Variants in DAPK2 observed in about 807,000 individuals in gnomAD.
DAPK2 encodes death associated protein kinase 2, also known as death-associated protein kinase 2.
A neutral mutation model predicts 44.1 loss-of-function variants in DAPK2; 35 were observed. The observed-to-expected ratio is 0.79, with a 90% confidence interval of 0.61 to 1.05. The LOEUF (loss-of-function observed/expected upper bound fraction) is 1.05, where lower values mean the gene tolerates loss of function less well. Ranked by LOEUF, DAPK2 falls within the 50% of genes least tolerant of loss-of-function variation. The probability of loss-of-function intolerance (pLI) is 0.00; values close to 1 mark genes in which losing one functional copy is unlikely to be tolerated. For synonymous variants in DAPK2, 174 were observed against 182.6 expected, an observed-to-expected ratio of 0.95 and a Z score of 0.38; for missense variants, 453 against 483.2, an observed-to-expected ratio of 0.94 and a Z score of 0.59.
rs924477087 is a variant in DAPK2 at position 63,925,850 on chromosome 15, T to C, written c.812+91A>G. 7 of 1,528,724 alleles carry C rather than the reference T, an allele frequency of 4.6e-6. No individual in the cohort carries two copies. The African/African-American group carries it at 8.3e-5, about 18-fold the overall frequency. 94.7% of individuals were successfully genotyped at this position (1,528,724 alleles called of 1,614,324 possible). ...ACCACAACAGTGCAGATGACAGCTATGTCAAAGTGGGGACATACTGACAGG... is the reference window on the plus strand; with the variant it reads ...ACCACAACAGTGCAGATGACAGCTACGTCAAAGTGGGGACATACTGACAGG... On this transcript the variant is annotated intron_variant, in intron 7 of 10. Transcript: ENST00000261891.
intron 7 of DAPK2, 27 bp from the exon 9 acceptor site, chr15:63,924,888 T>C (rs758367811): frequency 6.8e-6 from 11 of 1,613,464 alleles, no homozygotes; most frequent in Middle Eastern, 3.3e-4. Context: ...GAAACAGTGA[T>C]GATCCATGAG....
rs1178786912 is a variant in DAPK2 at position 63,917,574 on chromosome 15, T to A, written c.859-5377A>T. 1 of 152,222 alleles carries A rather than the reference T, an allele frequency of 6.6e-6. No homozygotes were observed. The highest frequency in any genetic ancestry group is 1.5e-5 in the Non-Finnish European group (1 of 68,054). 9.4% of individuals were successfully genotyped at this position (152,222 alleles called of 1,614,324 possible). On this transcript the variant is annotated intron_variant, in intron 8 of 10. Transcript: ENST00000261891. This position sits in a 1 kb window ranked among gnomAD's most constrained non-coding sequence, Gnocchi z 4.4. ...CACTATCCCATTCCTTATACTTCTG[T>A]GCAAGTTTTGGCAATTTTCCTGCTG...
At chr15:64,018,899 G>A (rs1315015515) in intron 1 of DAPK2, among the ~76,000 whole-genome samples, 1 of 152,212 alleles carries the variant, frequency 6.6e-6, no homozygotes, top group Non-Finnish European at 1.5e-5. Context: ...TTTGAGTCCA[G>A]GGCCTGCTGC....
Position 63,929,698 on chromosome 15 carries a change from C to T in DAPK2, c.633-121G>A, listed in dbSNP as rs751468060. On this transcript the variant is annotated intron_variant, in intron 5 of 10. Coordinates refer to ENST00000261891, the Ensembl canonical transcript of DAPK2. ...CCTCCTCCACAGCAGACCCTGGATGCCGTCTCATGCTCCACACCCATCTCC... is the reference window on the plus strand; with the variant it reads ...CCTCCTCCACAGCAGACCCTGGATGTCGTCTCATGCTCCACACCCATCTCC... 7 of 1,140,530 alleles carry T rather than the reference C, an allele frequency of 6.1e-6. No individual in the cohort carries two copies. The East Asian group carries it at 1.5e-4, about 24-fold the overall frequency. 70.7% of individuals were successfully genotyped at this position (1,140,530 alleles called of 1,614,324 possible).
chr15:63,961,450 C>A (rs908651878), intron 3 of DAPK2, among the ~76,000 whole-genome samples: 3 of 152,218 alleles, frequency 2.0e-5, no homozygotes, highest in African/African-American at 4.8e-5. Context: ...ATAGTCTTTA[C>A]AATTTGGCAT....
intron 1 of DAPK2, among the ~76,000 whole-genome samples, chr15:64,019,680 T>C (rs191495835): frequency 1.4e-3 from 214 of 152,356 alleles, no homozygotes; most frequent in Non-Finnish European, 2.6e-3. Context: ...AGCCTTTTTT[T>C]CCTACATGCC....
chr15:63,926,091 A>T lies in DAPK2; in HGVS notation c.662T>A (p.Leu221Ter), dbSNP rs1231573978. ...TCCCAGGAAAGGGGATGCTCCACTT[A>T]AGCTGAGTACGACAGACAGGGAATC... The change falls in exon 7 of 11, where the codon TTA (leucine) becomes TAA (stop). Residue 221 changes from leucine (L) to a stop codon, truncating the protein, a stop_gained and splice_region_variant. Transcript: ENST00000261891. LOFTEE classifies it high-confidence loss of function. The T allele has an allele frequency of 6.2e-7, 1 of 1,607,054 alleles. No homozygotes were observed. The highest frequency in any genetic ancestry group is 2.2e-5 in the East Asian group (1 of 44,852).
At chr15:63,969,423 C>T (rs186466543) in intron 3 of DAPK2, among the ~76,000 whole-genome samples, 31 of 149,744 alleles carry the variant, frequency 2.1e-4, no homozygotes, top group African/African-American at 7.4e-4. Context: ...CTGTCCCCCC[C>T]AAAAAGAAAC....
intron 1 of DAPK2, among the ~76,000 whole-genome samples, chr15:64,010,905 A>C (rs1325095197): frequency 6.6e-6 from 1 of 152,202 alleles, no homozygotes; most frequent in African/African-American, 2.4e-5. Flanking sequence ...GAGGGTTCAC[A>C]GGGAAGCCGT....
chr15:63,998,212 G>C (rs1424599694), intron 1 of DAPK2, among the ~76,000 whole-genome samples: 1 of 152,136 alleles, frequency 6.6e-6, no homozygotes, highest in African/African-American at 2.4e-5. Flanking sequence ...CTTACCCATG[G>C]GTGCAGGCTG....
intron 1 of DAPK2, among the ~76,000 whole-genome samples, chr15:64,017,528 G>A (rs983506476): frequency 2.0e-5 from 3 of 152,174 alleles, no homozygotes; most frequent in African/African-American, 2.4e-5. Flanking sequence ...CCAGGACACG[G>A]GCAGGTCCAC....
chr15:63,977,217 G>C (rs921518361), intron 2 of DAPK2, among the ~76,000 whole-genome samples: 1 of 152,222 alleles, frequency 6.6e-6, no homozygotes, highest in African/African-American at 2.4e-5. Context: ...GGGTTGAGTA[G>C]GGTGTGGCCT....
At chr15:63,932,561 G>C (rs1456733121) in intron 4 of DAPK2, 1 of 148,114 alleles carries the variant, frequency 6.8e-6, no homozygotes, top group African/African-American at 2.5e-5. Flanking sequence ...ATTTTTTTTA[G>C]ATGACACTTT....
rs1406318694 is a variant in DAPK2 at position 63,939,034 on chromosome 15, A to T, written c.583+198T>A. ...GCCCCACTCAGCCCTTGCCTCACTG[A>T]GCACTCAAAGCCTACACCTGGGCCC... On this transcript the variant is annotated intron_variant, in intron 4 of 10. Transcript: ENST00000261891. The surrounding 1 kb of genome is among the most constrained non-coding windows in gnomAD (Gnocchi z 4.3). Among the ~76,000 whole-genome samples, 1 of 152,086 alleles carries T rather than the reference A, an allele frequency of 6.6e-6. No homozygotes were observed. Among genetic ancestry groups the T allele is most frequent in the African/African-American group, 2.4e-5 (1 of 41,406 alleles).
intron 1 of DAPK2, among the ~76,000 whole-genome samples, chr15:64,001,855 CTGCA>C (rs1347577187): frequency 6.6e-6 from 1 of 152,242 alleles, no homozygotes; most frequent in African/African-American, 2.4e-5. Flanking sequence ...CCCCAATCCA[CTGCA>C]TAACAGAATC....
At chr15:63,911,583 G>T in intron 10 of DAPK2, 1 of 356,120 alleles carries the variant, frequency 2.8e-6, no homozygotes, top group Admixed American at 4.2e-5. Context: ...AGCAGCTTTT[G>T]GGTTATCAGA....
intron 3 of DAPK2, chr15:63,942,154 G>A: frequency 1.1e-6 from 1 of 939,540 alleles, no homozygotes; most frequent in Non-Finnish European, 1.3e-6. Flanking sequence ...GGTGGTGGAG[G>A]GGAAGAATTG....
At chr15:64,031,288 A>G (rs2080008432) in intron 1 of DAPK2, among the ~76,000 whole-genome samples, 1 of 150,174 alleles carries the variant, frequency 6.7e-6, no homozygotes, top group Admixed American at 6.7e-5. Flanking sequence ...GCAGGAGTGT[A>G]GTGGTGCAAT....
intron 8 of DAPK2, chr15:63,919,696 G>A (rs2079021481): frequency 1.3e-5 from 2 of 152,164 alleles, no homozygotes. Context: ...ATGTTGGCCA[G>A]GCTGGTCTCA....
Sources: allele counts gnomAD v4.1 joint callset (sites outside exome capture counted in the v4.1 genomes callset), GRCh38; gene constraint gnomAD v4.1.1; non-coding constraint Gnocchi (gnomAD v3.1); transcripts MANE v1.5; gene names NCBI Gene and HGNC (gene_info 2026-07-23, HGNC 2026-07-21).